The following CARNS1 variants were observed in gnomAD, a reference collection of about 807,000 sequenced individuals.
The protein encoded by CARNS1 is ATP-grasp domain containing 1.
A neutral mutation model predicts 74.0 loss-of-function variants in CARNS1; 61 were observed. The ratio of observed to expected loss-of-function variants is 0.82; its 90% confidence interval spans 0.67 to 1.02. The LOEUF (loss-of-function observed/expected upper bound fraction) is 1.02, where lower values mean the gene tolerates loss of function less well. CARNS1 is among the 50% of genes least tolerant of loss of function. CARNS1 has a pLI of 0.00. For synonymous variants in CARNS1, 568 were observed against 605.5 expected, an observed-to-expected ratio of 0.94 and a Z score of 0.91; for missense variants, 1,278 against 1,308.4, an observed-to-expected ratio of 0.98 and a Z score of 0.36.
At position 67,425,077 on chromosome 11, in the gene CARNS1, T is replaced by C. The variant is rs1863799950; in HGVS notation, c.*476T>C. ...TCTTCCTCTTACCCAAATTCTAGGA[T>C]AGCTCTGAAGCCTGCTGGAAACTTG... is the stretch of plus-strand genomic sequence containing the variant. On this transcript the variant is annotated 3_prime_UTR_variant, in exon 10 of 10. Coordinates refer to ENST00000687366, the MANE Select transcript of CARNS1 (RefSeq NM_001166222.2). The C allele has an allele frequency of 6.5e-6, 3 of 458,574 alleles. No homozygotes were observed. In the Admixed American group the frequency reaches 7.0e-5, roughly 11 times the overall value. The allele number at this position is 458,574 out of a possible 1,614,324, so 28.4% of individuals were successfully genotyped here.
chr11:67,419,956 G>A (rs1382047525), intron 7 of CARNS1, 118 bp downstream of exon 7: 6 of 1,024,880 alleles, frequency 5.9e-6, no homozygotes, highest in South Asian at 4.4e-5. Context: ...AATCCTTAGG[G>A]GGGTCGTAGT....
intron 2 of CARNS1, 71 bp from the exon 3 acceptor site, chr11:67,417,335 CT>C (rs1713649021): frequency 2.3e-6 from 3 of 1,281,056 alleles, no homozygotes; most frequent in Middle Eastern, 2.0e-4. Flanking sequence ...GAGTGGGGGG[CT>C]TACACCCTTG....
chr11:67,416,434 TA>T, intron 2 of CARNS1: 1 of 1,373,478 alleles, frequency 7.3e-7, no homozygotes, highest in South Asian at 1.6e-5. Flanking sequence ...GCTCACCTTC[TA>T]GGAGACGGCA....
chr11:67,416,364 C>T (rs1698763052), intron 2 of CARNS1, 162 bp downstream of exon 2: 46 of 1,458,488 alleles, frequency 3.2e-5, no homozygotes, highest in Non-Finnish European at 4.2e-5. Context: ...CGGCTGCATC[C>T]TGGGAGGTGG....
At position 67,417,390 on chromosome 11, in the gene CARNS1, C is replaced by A; in HGVS notation, c.4-17C>A. ...CTGGCCCACCCTGCCCAAGACCTAC[C>A]ACTTCTGCCCTCTCAGCTCTCCCTG... is the stretch of plus-strand genomic sequence containing the variant. On this transcript the variant is annotated splice_polypyrimidine_tract_variant and intron_variant, in intron 2 of 9. Coordinates refer to ENST00000687366, the MANE Select transcript of CARNS1 (RefSeq NM_001166222.2). 7.5e-7 allele frequency: 1 copy of A among 1,326,298 alleles called. No homozygotes were observed. The highest frequency in any genetic ancestry group is 3.1e-5 in the East Asian group (1 of 32,534). 82.2% of individuals were successfully genotyped at this position (1,326,298 alleles called of 1,614,324 possible).
At position 67,420,743 on chromosome 11, in the gene CARNS1, G is replaced by A; in HGVS notation, c.1248G>A (p.Lys416=). 8.0e-7 allele frequency: 1 copy of A among 1,250,986 alleles called. No individual in the cohort carries two copies. 77.5% of individuals were successfully genotyped at this position (1,250,986 alleles called of 1,614,324 possible). Reference sequence around the variant, plus strand: ...TGGCGGCTGTGCGGCAGCGCGTCAAGGCGGCGGCCGAGGCCGCGCTGGCCG... The same window carrying A: ...TGGCGGCTGTGCGGCAGCGCGTCAAAGCGGCGGCCGAGGCCGCGCTGGCCG... The part of the protein sequence containing the change: ...AQVAAVRQRV[K]AAAEAALAAV... The change falls in exon 8 of 10, where the codon AAG becomes AAA. Residue 416 remains lysine, a synonymous_variant. Coordinates refer to ENST00000687366, the MANE Select transcript of CARNS1 (RefSeq NM_001166222.2).
chr11:67,422,169 G>A (rs1863725136), intron 9 of CARNS1, among the ~76,000 whole-genome samples: 1 of 110,344 alleles, frequency 9.1e-6, no homozygotes, highest in African/African-American at 4.6e-5. Context: ...ACCGCGCCCG[G>A]CCTTTTTTTT....
Position 67,425,033 on chromosome 11 carries a change from C to T in CARNS1, c.*432C>T, listed in dbSNP as rs112917139. 16 of 471,418 alleles carry T rather than the reference C, an allele frequency of 3.4e-5. 1 individual carries two copies. The highest frequency in any genetic ancestry group is 2.2e-4 in the African/African-American group (11 of 50,792). The allele number at this position is 471,418 out of a possible 1,614,324, so 29.2% of individuals were successfully genotyped here. A position where few individuals can be genotyped will look rare whatever the true frequency, so the allele number is the denominator to read the frequency against. On this transcript the variant is annotated 3_prime_UTR_variant, in exon 10 of 10. Coordinates refer to ENST00000687366, the MANE Select transcript of CARNS1 (RefSeq NM_001166222.2). ...AAGCCTTGGACAAATCCTGGGAAAACCTGAGACTAGAACCCTTGTCTTCCT... is the reference window on the plus strand; with the variant it reads ...AAGCCTTGGACAAATCCTGGGAAAATCTGAGACTAGAACCCTTGTCTTCCT...
Position 67,419,107 on chromosome 11 carries a change from C to T in CARNS1, c.716C>T (p.Pro239Leu), listed in dbSNP as rs775244365. 1.9e-5 allele frequency: 30 copies of T among 1,571,576 alleles called. No homozygotes were observed. Among genetic ancestry groups the T allele is most frequent in the Middle Eastern group, 1.7e-4 (1 of 5,960 alleles). ...PATLAFTYKP[P>L]GLLRGGDASL... ...ACCCTGGCTTTCACCTACAAGCCGC[C>T]GGGGCTGCTGCGGGGAGGGGATGCC... The change falls in exon 5 of 10, where the codon CCG (proline) becomes CTG (leucine). Residue 239 changes from proline to leucine, a missense_variant. Around this residue, in one of 3 missense-constraint regions of CARNS1, gnomAD observed 1,164 missense variants for 1,156.5 expected, o/e 1.01. Transcript: ENST00000687366.
intron 9 of CARNS1, among the ~76,000 whole-genome samples, chr11:67,421,823 G>A (rs1205967342): frequency 6.6e-6 from 1 of 152,168 alleles, no homozygotes; most frequent in African/African-American, 2.4e-5. Context: ...GACTTCCTGG[G>A]CTGAAGCGAT....
Position 67,417,497 on chromosome 11 carries a change from C to A in CARNS1, c.94C>A (p.Leu32Met). Residue 32 changes from leucine to methionine, a missense_variant, in exon 3 of 10, where the codon CTG (leucine) becomes ATG (methionine). Leu to Met is a conservative substitution (Grantham distance 15). Coordinates refer to ENST00000687366, the MANE Select transcript of CARNS1 (RefSeq NM_001166222.2). The stretch of plus-strand genomic sequence containing the variant: ...GGGCCCCTGGGGAGGGGGCTCTGGC[C>A]TGCCGCCCACAGGCTGCTTCCCTGG... ...EEGPWGGGSG[L>M]PPTGCFPGSW... The A allele has an allele frequency of 6.9e-7, 1 of 1,444,398 alleles. No homozygotes were observed. The highest frequency in any genetic ancestry group is 9.1e-7 in the Non-Finnish European group (1 of 1,101,922). 89.5% of individuals were successfully genotyped at this position (1,444,398 alleles called of 1,614,324 possible).
At chr11:67,420,581 G>T (rs965355640) in intron 7 of CARNS1, 28 bp from the exon 8 acceptor site, 76 of 1,208,978 alleles carry the variant, frequency 6.3e-5, no homozygotes, top group Non-Finnish European at 7.2e-5. Flanking sequence ...GAGTGTGTGG[G>T]CCTCCCCCTG....
chr11:67,421,256 C>T (rs778543896), intron 9 of CARNS1, 37 bp downstream of exon 9: 1 of 1,433,060 alleles, frequency 7.0e-7, no homozygotes, highest in South Asian at 1.4e-5. Flanking sequence ...GCCCCAGGTC[C>T]TGGCCCGAGT....
chr11:67,417,333 G>A, intron 2 of CARNS1, 74 bp from the exon 3 acceptor site: 3 of 1,278,028 alleles, frequency 2.3e-6, no homozygotes, highest in East Asian at 3.1e-5. Flanking sequence ...GAGAGTGGGG[G>A]GCTTACACCC....
At chr11:67,416,268 C>G in intron 2 of CARNS1, 66 bp downstream of exon 2, 1 of 1,536,568 alleles carries the variant, frequency 6.5e-7, no homozygotes, top group Non-Finnish European at 8.7e-7. Flanking sequence ...GCCCAGAGGA[C>G]AGCAGGCAGC....
chr11:67,416,113 G>A, intron 1 of CARNS1, 63 bp from the exon 2 acceptor site: 1 of 1,013,422 alleles, frequency 9.9e-7, no homozygotes, highest in Non-Finnish European at 1.5e-6. Context: ...GGGCTGGAAG[G>A]CCAGGCAGGG....
Position 67,423,793 on chromosome 11 carries a change from C to T in CARNS1, c.2045C>T (p.Ala682Val). 6.2e-7 allele frequency: 1 copy of T among 1,602,818 alleles called. No homozygotes were observed. ...ATGAAGCTGGAGTTCGGGGCAGGTGCAGTGGGTGTCCGGCTGGTAGAGGAT... is the reference window on the plus strand; with the variant it reads ...ATGAAGCTGGAGTTCGGGGCAGGTGTAGTGGGTGTCCGGCTGGTAGAGGAT... ...GVMKLEFGAGAVGVRLVEDAP... is the reference protein window; with the variant it reads ...GVMKLEFGAGVVGVRLVEDAP... The change falls in exon 10 of 10, where the codon GCA (alanine) becomes GTA (valine). Residue 682 changes from alanine to valine, a missense_variant. Transcript: ENST00000687366. This position sits in a 1 kb window ranked among gnomAD's most constrained non-coding sequence, Gnocchi z 5.1.
chr11:67,418,397 C>T, intron 3 of CARNS1, 34 bp from the exon 4 acceptor site: 1 of 1,415,180 alleles, frequency 7.1e-7, no homozygotes, highest in Non-Finnish European at 9.2e-7. Flanking sequence ...GCAAGGGCGC[C>T]CCTGGTGAGC....
At chr11:67,416,091 C>A (rs2135076476) in intron 1 of CARNS1, 85 bp from the exon 2 acceptor site, 6 of 848,060 alleles carry the variant, frequency 7.1e-6, no homozygotes, top group South Asian at 1.4e-5. Flanking sequence ...CCTCTCCACT[C>A]CCAAAGTCTA....
Sources: allele counts gnomAD v4.1 joint callset (sites outside exome capture counted in the v4.1 genomes callset), GRCh38; gene constraint gnomAD v4.1.1; regional missense constraint gnomAD v4.1.1; non-coding constraint Gnocchi (gnomAD v3.1); transcripts MANE v1.5; gene names NCBI Gene and HGNC (gene_info 2026-07-23, HGNC 2026-07-21).